APLP1: variants seen among roughly 807,000 people sequenced by gnomAD.
APLP1 encodes amyloid beta (A4) precursor-like protein 1.
Under a neutral mutation model 84.5 loss-of-function variants are expected in APLP1, and 46 were observed. That is an observed-to-expected ratio of 0.54 (90% confidence interval 0.43 to 0.70). APLP1 has a LOEUF of 0.70. Ranked by LOEUF, APLP1 falls within the 30% of genes least tolerant of loss-of-function variation. The pLI, the probability that APLP1 is intolerant of heterozygous loss-of-function variation, is 0.00. For missense variants in APLP1, 826 were observed against 900.2 expected, an observed-to-expected ratio of 0.92 and a Z score of 1.05; for synonymous variants, 376 against 364.0, an observed-to-expected ratio of 1.03 and a Z score of -0.38.
Position 35,871,963 on chromosome 19 carries a change from G to A in APLP1, c.777G>A (p.Glu259=), listed in dbSNP as rs1298424485. 6.2e-7 allele frequency: 1 copy of A among 1,614,158 alleles called. No individual in the cohort carries two copies. Among genetic ancestry groups the A allele is most frequent in the Admixed American group, 1.7e-5 (1 of 60,020 alleles). Reference sequence around the variant, plus strand: ...AGCCAGTAGATGATTACTTCGTGGAGCCTCCGCAGGCTGAAGAGGAAGAGG... The same window carrying A: ...AGCCAGTAGATGATTACTTCGTGGAACCTCCGCAGGCTGAAGAGGAAGAGG... ...FPQPVDDYFV[E]PPQAEEEEET... The change falls in exon 6 of 17, where the codon GAG becomes GAA. Residue 259 remains glutamate, a synonymous_variant. Coordinates refer to ENST00000221891, the MANE Select transcript of APLP1 (RefSeq NM_001024807.3).
chr19:35,874,917 C>T lies in APLP1; in HGVS notation c.1344+48C>T, dbSNP rs755330871. 3 of 1,588,430 alleles carry T rather than the reference C, an allele frequency of 1.9e-6. No individual in the cohort carries two copies. The highest frequency in any genetic ancestry group is 1.1e-5 in the South Asian group (1 of 89,404). On this transcript the variant is annotated intron_variant, in intron 10 of 16. Transcript: ENST00000221891. The surrounding 1 kb of genome is among the most constrained non-coding windows in gnomAD (Gnocchi z 6.4). ...CAAATGCGCCGCTATTCCTCAGACG[C>T]CCGCGCCTCAGGCTCTTCTCTTGTC...
chr19:35,878,288 G>A (rs1001538874), intron 13 of APLP1, among the ~76,000 whole-genome samples, 180 bp downstream of exon 13: 6 of 152,148 alleles, frequency 3.9e-5, no homozygotes, highest in South Asian at 2.1e-4. Context: ...ACTCACACCC[G>A]TAATCCTAGC....
Position 35,869,702 on chromosome 19 carries a change from G to A in APLP1, c.183G>A (p.Gly61=), listed in dbSNP as rs771921775. The change falls in exon 2 of 17, where the codon GGG becomes GGA. Residue 61 remains glycine (G), a synonymous_variant. Coordinates refer to ENST00000221891, the MANE Select transcript of APLP1 (RefSeq NM_001024807.3). ...PGSAQVAGLC[G]RLTLHRDLRT... is the part of the protein sequence containing the mutation. ...CGGCCCAGGTGGCTGGACTATGCGG[G>A]CGCCTAACCCTTCACCGGGACCTGC... The A allele has an allele frequency of 1.1e-5, 17 of 1,611,744 alleles. No homozygotes were observed. Among genetic ancestry groups the A allele is most frequent in the Admixed American group, 1.7e-5 (1 of 59,754 alleles).
Position 35,878,631 on chromosome 19 carries a change from C to T in APLP1, c.1627C>T (p.Pro543Ser). The change falls in exon 14 of 17, where the codon CCG (proline) becomes TCG (serine). Residue 543 changes from proline (P) to serine (S), a missense_variant. This residue lies in a region of APLP1 where 433 missense variants were observed against 496.5 expected (regional missense o/e 0.87). Transcript: ENST00000221891. ...AASPEKEKMN[P>S]LEQYERKVNA... is the part of the protein sequence containing the mutation. Reference sequence around the variant, plus strand: ...ATCCCCTGAGAAAGAGAAGATGAACCCGCTGGAACAGTATGAGCGAAAGGT... The same window carrying T: ...ATCCCCTGAGAAAGAGAAGATGAACTCGCTGGAACAGTATGAGCGAAAGGT... 1.2e-6 allele frequency: 2 copies of T among 1,614,050 alleles called. No homozygotes were observed. The highest frequency in any genetic ancestry group is 1.7e-6 in the Non-Finnish European group (2 of 1,180,004).
intron 2 of APLP1, 147 bp from the exon 3 acceptor site, chr19:35,870,749 A>G: frequency 8.5e-7 from 1 of 1,174,112 alleles, no homozygotes. Flanking sequence ...GTACCATTCC[A>G]CTCCAGCCTG....
chr19:35,869,624 C>T, intron 1 of APLP1, 43 bp from the exon 2 acceptor site: 1 of 1,605,752 alleles, frequency 6.2e-7, no homozygotes, highest in Non-Finnish European at 8.5e-7. Context: ...ACCCTCATGC[C>T]AACGCCCCCC....
At chr19:35,877,583 A>G (rs1019701601) in intron 11 of APLP1, 135 bp from the exon 12 acceptor site, 1 of 594,260 alleles carries the variant, frequency 1.7e-6, no homozygotes, top group South Asian at 2.0e-5. Context: ...ACTTTCTCAG[A>G]TCACACTTCT....
At chr19:35,879,007 G>C (rs887114372) in intron 15 of APLP1, 55 bp downstream of exon 15, 1 of 1,613,596 alleles carries the variant, frequency 6.2e-7, no homozygotes, top group African/African-American at 1.3e-5. Context: ...TCAGCGGCCA[G>C]GCTGTGATTC....
Position 35,868,727 on chromosome 19 carries a change from C to G in APLP1, c.91C>G (p.Leu31Val). The G allele has an allele frequency of 7.1e-7, 1 of 1,400,508 alleles. No homozygotes were observed. The highest frequency in any genetic ancestry group is 9.3e-7 in the Non-Finnish European group (1 of 1,081,000). 86.8% of individuals were successfully genotyped at this position (1,400,508 alleles called of 1,614,324 possible). A position where few individuals can be genotyped will look rare whatever the true frequency, so the allele number is the denominator to read the frequency against. The change falls in exon 1 of 17, where the codon CTG becomes GTG. Residue 31 changes from leucine (L) to valine (V), a missense_variant. Transcript: ENST00000221891. This position sits in a 1 kb window ranked among gnomAD's most constrained non-coding sequence, Gnocchi z 5.2. ...PLLLPLLLLL[L>V]RAQPAIGSLA... The stretch of plus-strand genomic sequence containing the variant: ...GCTGCTGCCACTATTGCTGCTGCTT[C>G]TGCGCGCGCAGCCCGCCATCGGGAG...
intron 7 of APLP1, among the ~76,000 whole-genome samples, chr19:35,873,090 C>A (rs543724461): frequency 6.6e-6 from 1 of 151,602 alleles, no homozygotes; most frequent in East Asian, 2.0e-4. Flanking sequence ...GAACTCCCGG[C>A]GGGAGGAGAT....
In APLP1 at chr19:35,879,335, C is replaced by A; in HGVS notation, c.1858-8C>A. ...CACACTGTCCTTTCCCTCCCCTGCT[C>A]GTTGCAGGTGGACCCCATGCTGACC... is the stretch of plus-strand genomic sequence containing the variant. On this transcript the variant is annotated splice_polypyrimidine_tract_variant and splice_region_variant and intron_variant, in intron 16 of 16. Coordinates refer to ENST00000221891, the MANE Select transcript of APLP1 (RefSeq NM_001024807.3). The A allele has an allele frequency of 6.2e-7, 1 of 1,613,718 alleles. No homozygotes were observed.
intron 3 of APLP1, 75 bp from the exon 4 acceptor site, chr19:35,871,162 A>G: frequency 1.3e-6 from 2 of 1,547,298 alleles, no homozygotes; most frequent in South Asian, 2.4e-5. Context: ...TCTGAGGATA[A>G]AATATCTGGA....
In APLP1 at chr19:35,868,815, G is replaced by T. The variant is rs962191620; in HGVS notation, c.147+32G>T. 8 of 1,265,080 alleles carry T rather than the reference G, an allele frequency of 6.3e-6. No homozygotes were observed. The highest frequency in any genetic ancestry group is 7.0e-6 in the Non-Finnish European group (7 of 1,002,798). The allele number at this position is 1,265,080 out of a possible 1,614,324, so 78.4% of individuals were successfully genotyped here. ...CCGGGCCGGGTCCTGGGGGATGGGG[G>T]AAGGGGCGGGACCGGGTCTCTGGAC... On this transcript the variant is annotated intron_variant, in intron 1 of 16. Transcript: ENST00000221891. This position sits in a 1 kb window ranked among gnomAD's most constrained non-coding sequence, Gnocchi z 5.2.
chr19:35,870,804 GAGAA>G (rs1388720967), intron 2 of APLP1, 88 bp from the exon 3 acceptor site: 12 of 1,470,842 alleles, frequency 8.2e-6, no homozygotes, highest in Admixed American at 2.6e-5. Context: ...AAGAAAGAGG[GAGAA>G]AGAAAGAGAA....
At chr19:35,876,406 G>C in intron 10 of APLP1, 111 bp from the exon 11 acceptor site, 3 of 892,194 alleles carry the variant, frequency 3.4e-6, no homozygotes, top group Non-Finnish European at 5.6e-6. Context: ...CCTGTCCATT[G>C]CATGTGCCGC....
At chr19:35,878,277 G>A (rs1974328532) in intron 13 of APLP1, among the ~76,000 whole-genome samples, 169 bp downstream of exon 13, 1 of 152,178 alleles carries the variant, frequency 6.6e-6, no homozygotes. Context: ...AGGCGCTGGT[G>A]ACTCACACCC....
Position 35,870,830 on chromosome 19 carries a change from C to T in APLP1, c.292-66C>T, listed in dbSNP as rs1974123616. On this transcript the variant is annotated intron_variant, in intron 2 of 16. Coordinates refer to ENST00000221891, the MANE Select transcript of APLP1 (RefSeq NM_001024807.3). ...AGAAAGAAAGAGAAAAGGGACCTGACTACTGGAGAGGGGTGGCTGGCAGGG... is the reference window on the plus strand; with the variant it reads ...AGAAAGAAAGAGAAAAGGGACCTGATTACTGGAGAGGGGTGGCTGGCAGGG... 7.8e-6 allele frequency: 12 copies of T among 1,544,732 alleles called. No individual in the cohort carries two copies. In the South Asian group the frequency reaches 8.6e-5, roughly 11 times the overall value.
At chr19:35,875,016 C>T (rs1348269296) in intron 10 of APLP1, 147 bp downstream of exon 10, 2 of 1,180,934 alleles carry the variant, frequency 1.7e-6, no homozygotes, top group Admixed American at 5.3e-5. Flanking sequence ...TTCCCAGTCT[C>T]TCAGCTCAGC....
chr19:35,872,645 C>T, intron 7 of APLP1, 32 bp downstream of exon 7: 1 of 1,589,736 alleles, frequency 6.3e-7, no homozygotes, highest in Non-Finnish European at 8.6e-7. Context: ...GGACCCCCTA[C>T]AGTACAGAGC....
Sources: allele counts gnomAD v4.1 joint callset (sites outside exome capture counted in the v4.1 genomes callset), GRCh38; gene constraint gnomAD v4.1.1; regional missense constraint gnomAD v4.1.1; non-coding constraint Gnocchi (gnomAD v3.1); transcripts MANE v1.5; gene names NCBI Gene and HGNC (gene_info 2026-07-23, HGNC 2026-07-21).